The following PHTF2 variants were observed in gnomAD, a reference collection of about 807,000 sequenced individuals.
PHTF2 encodes the protein protein PHTF2.
In PHTF2, 60 loss-of-function variants were observed where a neutral mutation model predicts 101.2. The ratio of observed to expected loss-of-function variants is 0.59; its 90% CI spans 0.48 to 0.73. PHTF2 has a LOEUF of 0.73. Among genes scored for constraint, PHTF2 ranks in the 30% least tolerant of loss-of-function variants. The probability of loss-of-function intolerance (pLI) is 0.00; values close to 1 mark genes in which losing one functional copy is unlikely to be tolerated. For synonymous variants in PHTF2, 311 were observed against 307.3 expected (o/e 1.01, Z -0.13); for missense variants, 747 against 908.7 (o/e 0.82, Z 2.29).
At chr7:77,936,545 G>A (rs1472906023) in intron 12 of PHTF2, among the ~76,000 whole-genome samples, 1 of 151,772 alleles carries the variant, frequency 6.6e-6, no homozygotes, top group African/African-American at 2.4e-5. Flanking sequence ...GTGGTGGTGG[G>A]CGCCTATAGT....
chr7:77,838,263 G>A (rs1795619774), intron 1 of PHTF2, among the ~76,000 whole-genome samples: 1 of 152,126 alleles, frequency 6.6e-6, no homozygotes, highest in African/African-American at 2.4e-5. Flanking sequence ...AAGTCAGTAA[G>A]GGAAAGCTTC....
chr7:77,926,241 TTTAAA>T (rs1464061929), intron 11 of PHTF2, among the ~76,000 whole-genome samples: 4 of 152,190 alleles, frequency 2.6e-5, no homozygotes, highest in Admixed American at 2.6e-4. Context: ...TATCACAAGT[TTTAAA>T]TTAGCAATTA....
At chr7:77,799,465 T>C (rs1250534917) in intron 1 of PHTF2, among the ~76,000 whole-genome samples, 1 of 151,204 alleles carries the variant, frequency 6.6e-6, no homozygotes, top group East Asian at 1.9e-4. Flanking sequence ...CTGGAGGAGG[T>C]GGAAGGAGGG....
chr7:77,926,924 G>C (rs1804059210), intron 11 of PHTF2, among the ~76,000 whole-genome samples: 1 of 152,002 alleles, frequency 6.6e-6, no homozygotes, highest in African/African-American at 2.4e-5. Context: ...TTGGGAGGCT[G>C]AGGTGGGCTG....
intron 3 of PHTF2, among the ~76,000 whole-genome samples, chr7:77,861,413 TA>T (rs1797632191): frequency 6.6e-6 from 1 of 152,176 alleles, no homozygotes; most frequent in Non-Finnish European, 1.5e-5. Context: ...ATTTTCTGGG[TA>T]TTTTTTTTTA....
At chr7:77,954,246 G>C (rs1481253289) in intron 19 of PHTF2, among the ~76,000 whole-genome samples, 1 of 151,986 alleles carries the variant, frequency 6.6e-6, no homozygotes, top group Non-Finnish European at 1.5e-5. Flanking sequence ...GATTTCTCCT[G>C]CCTCAGCCTC....
At chr7:77,930,054 A>G (rs899271045) in intron 12 of PHTF2, among the ~76,000 whole-genome samples, 1 of 147,700 alleles carries the variant, frequency 6.8e-6, no homozygotes, top group African/African-American at 2.5e-5. Flanking sequence ...CCCAGGTTCC[A>G]GCGATTCTCC....
At chr7:77,939,900 G>C (rs552083375) in intron 13 of PHTF2, 130 bp from the exon 13 acceptor site, 1 of 632,874 alleles carries the variant, frequency 1.6e-6, no homozygotes, top group Non-Finnish European at 2.6e-6. Context: ...AACTTGAATG[G>C]GATTCAAATT....
intron 3 of PHTF2, among the ~76,000 whole-genome samples, chr7:77,889,868 G>C (rs1158285272): frequency 4.6e-5 from 7 of 151,980 alleles, no homozygotes; most frequent in Non-Finnish European, 8.8e-5. Flanking sequence ...CAAAGTGCTG[G>C]GATTACAGGC....
intron 13 of PHTF2, among the ~76,000 whole-genome samples, chr7:77,939,802 T>A (rs1376883705): frequency 6.6e-6 from 1 of 152,124 alleles, no homozygotes; most frequent in Non-Finnish European, 1.5e-5. Context: ...ATGACAGTCC[T>A]TTTGCCATCT....
exon 20 of PHTF2, chr7:77,956,011 G>A (rs190173048): frequency 1.3e-5 from 2 of 152,600 alleles, no homozygotes; most frequent in Admixed American, 1.3e-4. Flanking sequence ...TTTGCCAAGT[G>A]TCCAATGAGA....
chr7:77,882,785 T>C (rs945006008), intron 3 of PHTF2, among the ~76,000 whole-genome samples: 1 of 152,178 alleles, frequency 6.6e-6, no homozygotes, highest in African/African-American at 2.4e-5. Flanking sequence ...TTGCTAGCTT[T>C]GGACATTTTC....
Position 77,922,995 on chromosome 7 carries a change from A to G in PHTF2, c.1119+217A>G, listed in dbSNP as rs527576412. 10 of 1,245,284 alleles carry G rather than the reference A, an allele frequency of 8.0e-6. No individual in the cohort carries two copies. The East Asian group carries it at 1.7e-4, about 21-fold the overall frequency. 77.1% of individuals were successfully genotyped at this position (1,245,284 alleles called of 1,614,324 possible). A position where few individuals can be genotyped will look rare whatever the true frequency, so the allele number is the denominator to read the frequency against. On this transcript the variant is annotated intron_variant, in intron 11 of 19. Transcript: ENST00000416283. ...CCACACATTTGAGCTCATTTTATGC[A>G]TTATCTTTGAAGACTCATACATTGT... is the stretch of plus-strand genomic sequence containing the variant.
chr7:77,870,129 T>C (rs1798394767), intron 3 of PHTF2, among the ~76,000 whole-genome samples: 1 of 152,166 alleles, frequency 6.6e-6, no homozygotes, highest in Admixed American at 6.5e-5. Context: ...TTGCCTGTGC[T>C]TTTGGGGTCC....
At chr7:77,814,766 TG>T (rs1331293010) in intron 1 of PHTF2, among the ~76,000 whole-genome samples, 1 of 151,892 alleles carries the variant, frequency 6.6e-6, no homozygotes, top group Non-Finnish European at 1.5e-5. Flanking sequence ...GCGCCCGGTC[TG>T]GGGGGGCATT....
At chr7:77,888,419 A>G (rs1250220472) in intron 3 of PHTF2, among the ~76,000 whole-genome samples, 2 of 152,082 alleles carry the variant, frequency 1.3e-5, no homozygotes, top group Admixed American at 1.3e-4. Context: ...CCCGGCCTAG[A>G]ATGTTAGGTA....
At chr7:77,936,632 C>T (rs920566869) in intron 12 of PHTF2, among the ~76,000 whole-genome samples, 2 of 151,722 alleles carry the variant, frequency 1.3e-5, no homozygotes, top group Non-Finnish European at 1.5e-5. Flanking sequence ...TGAGATCGCA[C>T]CATTGCACTC....
intron 16 of PHTF2, among the ~76,000 whole-genome samples, chr7:77,945,950 G>A (rs1344954971): frequency 6.6e-6 from 1 of 152,050 alleles, no homozygotes; most frequent in Non-Finnish European, 1.5e-5. Flanking sequence ...TAGGAAAAGG[G>A]GATATTCTTC....
In PHTF2 at chr7:77,940,734, A is replaced by G. The variant is rs1157065068; in HGVS notation, c.1872+75A>G. Reference sequence around the variant, plus strand: ...AGTTCCAGTTTCTTTATCAATATATATTTGTCTCTAGATGTATAGTAACCA... The same window carrying G: ...AGTTCCAGTTTCTTTATCAATATATGTTTGTCTCTAGATGTATAGTAACCA... On this transcript the variant is annotated intron_variant, in intron 15 of 19. Coordinates refer to ENST00000416283, the Ensembl canonical transcript of PHTF2. 2.3e-5 allele frequency: 24 copies of G among 1,051,334 alleles called. No individual in the cohort carries two copies. In the East Asian group the frequency reaches 5.2e-4, roughly 23 times the overall value. The allele number at this position is 1,051,334 out of a possible 1,614,324, so 65.1% of individuals were successfully genotyped here.
Sources: allele counts gnomAD v4.1 joint callset (sites outside exome capture counted in the v4.1 genomes callset), GRCh38; gene constraint gnomAD v4.1.1; transcripts MANE v1.5; gene names NCBI Gene and HGNC (gene_info 2026-07-23, HGNC 2026-07-21).